TXNDC16: variants seen among roughly 807,000 people sequenced by gnomAD.
The protein encoded by TXNDC16 is thioredoxin domain-containing protein 16.
In TXNDC16, 74 loss-of-function variants were observed where a neutral mutation model predicts 85.6. That is an observed-to-expected ratio of 0.86 (90% CI 0.72 to 1.05). TXNDC16 has a LOEUF of 1.05. Among genes scored for constraint, TXNDC16 ranks in the 50% least tolerant of loss-of-function variants. TXNDC16 has a pLI of 0.00. For synonymous variants in TXNDC16, 335 were observed against 326.5 expected (o/e 1.03, Z -0.28); for missense variants, 959 against 947.0 (o/e 1.01, Z -0.17).
chr14:52,443,372 T>C (rs1241412012), intron 18 of TXNDC16, among the ~76,000 whole-genome samples: 1 of 152,230 alleles, frequency 6.6e-6, no homozygotes, highest in African/African-American at 2.4e-5. Flanking sequence ...GTGTGATTTT[T>C]ATTAGTTAAA....
At position 52,538,173 on chromosome 14, in the gene TXNDC16, T is replaced by C. The variant is rs1279225464; in HGVS notation, c.244-501A>G. 2.0e-5 allele frequency among the ~76,000 whole-genome samples: 3 copies of C among 152,216 alleles called. No individual in the cohort carries two copies. In the East Asian group the frequency reaches 5.8e-4, roughly 29 times the overall value. ...ATGGTGTTTGGAGGAGTCACTGGGC[T>C]GAAACTCCTAAAAGGCTCTTAAAAG... is the stretch of plus-strand genomic sequence containing the variant. On this transcript the variant is annotated intron_variant, in intron 4 of 20. Coordinates refer to ENST00000281741, the MANE Select transcript of TXNDC16 (RefSeq NM_020784.3).
Position 52,537,070 on chromosome 14 carries a change from T to TCACACACACACA in TXNDC16, c.318-289_318-278dup, listed in dbSNP as rs58583503. On this transcript the variant is annotated intron_variant, in intron 5 of 20. Transcript: ENST00000281741. Reference sequence around the variant, plus strand: ...TCCTACCAGTCTCCCCAACTCACAATCACACACACACACACACACACACAC... The same window carrying TCACACACACACA: ...TCCTACCAGTCTCCCCAACTCACAATCACACACACACACACACACACACACACACACACACAC... Among the ~76,000 whole-genome samples the TCACACACACACA allele has an allele frequency of 5.2e-3, 768 of 147,340 alleles. 3 individuals carry two copies. Among genetic ancestry groups the TCACACACACACA allele is most frequent in the African/African-American group, 0.013 (535 of 40,112 alleles).
intron 8 of TXNDC16, 43 bp downstream of exon 8, chr14:52,514,834 GAAA>G: frequency 1.5e-6 from 2 of 1,314,394 alleles, no homozygotes; most frequent in Non-Finnish European, 2.1e-6. Context: ...AAGTGAAGAA[GAAA>G]AAAAAAACCT....
At chr14:52,473,008 A>G (rs2035944073) in intron 14 of TXNDC16, among the ~76,000 whole-genome samples, 1 of 152,166 alleles carries the variant, frequency 6.6e-6, no homozygotes, top group South Asian at 2.1e-4. Context: ...CATTTGTATA[A>G]GAAGATTAAG....
intron 18 of TXNDC16, among the ~76,000 whole-genome samples, chr14:52,447,382 C>T (rs1161455446): frequency 6.6e-6 from 1 of 152,134 alleles, no homozygotes; most frequent in Non-Finnish European, 1.5e-5. Flanking sequence ...CTGGCTTAGC[C>T]ACCTCTGATT....
intron 6 of TXNDC16, among the ~76,000 whole-genome samples, chr14:52,523,904 A>T (rs561520006): frequency 6.6e-6 from 1 of 152,378 alleles, no homozygotes; most frequent in East Asian, 1.9e-4. Context: ...CATGTACCAC[A>T]TATGTACTAT....
At chr14:52,543,337 T>G in intron 3 of TXNDC16, 61 bp downstream of exon 3, 3 of 1,523,884 alleles carry the variant, frequency 2.0e-6, no homozygotes, top group Non-Finnish European at 2.7e-6. Flanking sequence ...CCACTGAACT[T>G]ACTGATTAAA....
chr14:52,504,481 G>A (rs2036742534), intron 9 of TXNDC16, among the ~76,000 whole-genome samples: 2 of 152,122 alleles, frequency 1.3e-5, no homozygotes, highest in East Asian at 1.9e-4. Flanking sequence ...AGCTTCATAA[G>A]TGAAGGAGAA....
intron 1 of TXNDC16, among the ~76,000 whole-genome samples, chr14:52,547,738 A>G (rs888829626): frequency 1.3e-5 from 2 of 152,196 alleles, no homozygotes; most frequent in Non-Finnish European, 2.9e-5. Context: ...GATAACTTCT[A>G]TCTAGACCAG....
At chr14:52,434,174 G>T (rs915548054) in intron 20 of TXNDC16, among the ~76,000 whole-genome samples, 1 of 152,212 alleles carries the variant, frequency 6.6e-6, no homozygotes, top group Non-Finnish European at 1.5e-5. Context: ...GGATGAGAGA[G>T]TGTGACACTG....
chr14:52,551,524 C>G (rs2038048443), intron 1 of TXNDC16, among the ~76,000 whole-genome samples: 1 of 150,214 alleles, frequency 6.7e-6, no homozygotes, highest in Admixed American at 6.6e-5. Flanking sequence ...GTAAGAAAAG[C>G]TGGGTCTTTG....
intron 12 of TXNDC16, among the ~76,000 whole-genome samples, chr14:52,486,618 G>A (rs1326976475): frequency 1.3e-5 from 2 of 151,904 alleles, no homozygotes; most frequent in Non-Finnish European, 2.9e-5. Flanking sequence ...ATTCTCAGAT[G>A]GTAATAAATT....
rs144258628 is a variant in TXNDC16 at position 52,471,872 on chromosome 14, G to T, written c.1313-1192C>A. On this transcript the variant is annotated intron_variant, in intron 14 of 20. Coordinates refer to ENST00000281741, the MANE Select transcript of TXNDC16 (RefSeq NM_020784.3). ...CTAAAATATTATAAATCACTGTGTG[G>T]AAAGAGATCAAACACTAAATAAAAT... Among the ~76,000 whole-genome samples the T allele has an allele frequency of 4.2e-3, 626 of 150,722 alleles. 3 individuals are homozygous for T. The highest frequency in any genetic ancestry group is 0.014 in the African/African-American group (558 of 40,900).
intron 20 of TXNDC16, among the ~76,000 whole-genome samples, chr14:52,435,329 A>G (rs1485035870): frequency 1.3e-5 from 2 of 150,512 alleles, no homozygotes; most frequent in African/African-American, 4.9e-5. Context: ...CTTGAGTTAC[A>G]GTCCATGGGA....
At chr14:52,494,441 C>A (rs149441156) in intron 9 of TXNDC16, among the ~76,000 whole-genome samples, 1 of 152,170 alleles carries the variant, frequency 6.6e-6, no homozygotes, top group African/African-American at 2.4e-5. Context: ...TGTCCAACAG[C>A]CAGCAAGAAA....
chr14:52,490,963 G>C lies in TXNDC16; in HGVS notation c.799C>G (p.Leu267Val). 1.3e-6 allele frequency: 2 copies of C among 1,591,816 alleles called. No individual in the cohort carries two copies. The highest frequency in any genetic ancestry group is 1.7e-6 in the Non-Finnish European group (2 of 1,169,284). The change falls in exon 10 of 21, where the codon CTC (leucine) becomes GTC (valine). Residue 267 changes from leucine to valine, a missense_variant. Leu to Val is a conservative substitution (Grantham distance 32). Transcript: ENST00000281741. ...EDPQQVSTVH[L>V]QLGLPLVFIV... is the part of the protein sequence containing the mutation. ...AAAACCAGTGGTAAGCCCAGTTGGA[G>C]ATGGACAGTTGAAACTTGTTGAGGA...
At chr14:52,433,420 A>G (rs527305818) in intron 20 of TXNDC16, among the ~76,000 whole-genome samples, 136 of 152,332 alleles carry the variant, frequency 8.9e-4, no homozygotes, top group African/African-American at 2.7e-3. Flanking sequence ...AATAAACTAT[A>G]TAAGGAAATG....
intron 16 of TXNDC16, among the ~76,000 whole-genome samples, chr14:52,468,925 T>C (rs768947686): frequency 2.6e-5 from 4 of 151,754 alleles, no homozygotes; most frequent in Admixed American, 6.6e-5. Flanking sequence ...CTACAATTTA[T>C]AGAAGACATA....
Position 52,497,355 on chromosome 14 carries a change from AG to A in TXNDC16, c.757-6351del, listed in dbSNP as rs1283199534. ...AATCAAAAACCTCCCAACAAAGAAA[AG>A]TCCAGGACCAGATAGCTTCAATGGA... On this transcript the variant is annotated intron_variant, in intron 9 of 20. Transcript: ENST00000281741. Among the ~76,000 whole-genome samples, 4 of 152,214 alleles carry A rather than the reference AG, an allele frequency of 2.6e-5. No individual in the cohort carries two copies. In the East Asian group the frequency reaches 7.7e-4, roughly 29 times the overall value.
Sources: allele counts gnomAD v4.1 joint callset (sites outside exome capture counted in the v4.1 genomes callset), GRCh38; gene constraint gnomAD v4.1.1; transcripts MANE v1.5; gene names NCBI Gene and HGNC (gene_info 2026-07-23, HGNC 2026-07-21).